CSF2RA: variants seen among roughly 807,000 people sequenced by gnomAD.
CSF2RA encodes the protein granulocyte-macrophage colony-stimulating factor receptor subunit alpha.
CSF2RA carries 42 observed loss-of-function variants against 51.6 expected under a neutral mutation model. That is an observed-to-expected ratio of 0.81 (90% CI 0.64 to 1.05). CSF2RA has a LOEUF of 1.05. Ranked by LOEUF, CSF2RA falls within the 50% of genes least tolerant of loss-of-function variation. The probability of loss-of-function intolerance (pLI) is 0.00; values close to 1 mark genes in which losing one functional copy is unlikely to be tolerated. For missense variants in CSF2RA, 530 were observed against 501.1 expected, an observed-to-expected ratio of 1.06 and a Z score of -0.55; for synonymous variants, 222 against 193.0, an observed-to-expected ratio of 1.15 and a Z score of -1.24.
intron 7 of CSF2RA, among the ~76,000 whole-genome samples, chrX:1,291,168 T>G (rs1448590509): frequency 1.3e-5 from 2 of 152,088 alleles, no homozygotes. Flanking sequence ...ATGATCCACC[T>G]GCCTCAGCCT....
intron 7 of CSF2RA, among the ~76,000 whole-genome samples, chrX:1,291,596 C>A (rs1283645359): frequency 6.6e-6 from 1 of 152,062 alleles, no homozygotes; most frequent in Non-Finnish European, 1.5e-5. Context: ...ACGTTCCCAG[C>A]CTCTTCAGGC....
intron 10 of CSF2RA, chrX:1,302,902 C>G (rs1449175721): frequency 3.9e-6 from 1 of 254,340 alleles, no homozygotes; most frequent in East Asian, 6.2e-5. Context: ...GACAGGGTCT[C>G]ACTCTGTCAC....
At chrX:1,283,815 T>A (rs2090332094) in intron 3 of CSF2RA, among the ~76,000 whole-genome samples, 1 of 151,936 alleles carries the variant, frequency 6.6e-6, no homozygotes, top group Non-Finnish European at 1.5e-5. Flanking sequence ...GGTGATCCCG[T>A]GCCTCGGCCT....
At chrX:1,272,452 C>A (rs28838006) in intron 1 of CSF2RA, among the ~76,000 whole-genome samples, 97,294 of 150,104 alleles carry the variant, frequency 0.65, 31,755 homozygotes, top group Middle Eastern at 0.79. Context: ...ATTTCTACTG[C>A]GGACTGAACT....
chrX:1,285,063 T>A (rs771304021), intron 3 of CSF2RA, among the ~76,000 whole-genome samples: 37 of 150,484 alleles, frequency 2.5e-4, no homozygotes, highest in South Asian at 1.3e-3. Context: ...TTTAAATTTT[T>A]AAAAAAAAAT....
rs185383822 is a variant in CSF2RA, at chrX:1,303,809, C to G, written c.947-114C>G. On this transcript the variant is annotated intron_variant, in intron 10 of 12. Transcript: ENST00000381529. ...GGAGGCAGGTTTGCTGGGCCCAGTT[C>G]TCAGCTTGACTGTTCCCTTTGGCTA... The G allele has an allele frequency of 1.1e-4, 103 of 956,986 alleles. No homozygotes were observed. In the African/African-American group the frequency reaches 1.1e-3, roughly 10 times the overall value. 59.3% of individuals were successfully genotyped at this position (956,986 alleles called of 1,614,324 possible). A position where few individuals can be genotyped will look rare whatever the true frequency, so the allele number is the denominator to read the frequency against.
At chrX:1,293,499 G>A (rs1167688684) in intron 7 of CSF2RA, among the ~76,000 whole-genome samples, 1 of 152,116 alleles carries the variant, frequency 6.6e-6, no homozygotes, top group Admixed American at 6.5e-5. Flanking sequence ...GATTACAGGC[G>A]TGAGCCACCG....
intron 8 of CSF2RA, 116 bp downstream of exon 8, chrX:1,294,577 C>T: frequency 4.3e-6 from 6 of 1,382,718 alleles, no homozygotes; most frequent in East Asian, 2.3e-5. Context: ...GGGTGGTGAG[C>T]GGTGACTCTG....
downstream of CSF2RA, among the ~76,000 whole-genome samples, chrX:1,314,568 ACTGCACCTGCCCAACCC>A (rs2084417169): frequency 2.8e-5 from 2 of 71,038 alleles, no homozygotes; most frequent in African/African-American, 1.2e-4. Context: ...GCCCAATCCC[ACTGCACCTGCCCAACCC>A]CACTGCACCT....
downstream of CSF2RA, among the ~76,000 whole-genome samples, chrX:1,313,798 G>C (rs1273926621): frequency 2.0e-5 from 3 of 151,896 alleles, no homozygotes; most frequent in African/African-American, 7.3e-5. Flanking sequence ...AGACCAGCCT[G>C]GCTAACATGG....
chrX:1,289,408 C>T (rs1450718511), intron 6 of CSF2RA, among the ~76,000 whole-genome samples: 5 of 152,136 alleles, frequency 3.3e-5, no homozygotes, highest in Non-Finnish European at 5.9e-5. Context: ...GGATTACAGG[C>T]GTGAGCCACT....
intron 1 of CSF2RA, among the ~76,000 whole-genome samples, chrX:1,270,765 T>A (rs1350440574): frequency 2.6e-5 from 4 of 151,042 alleles, no homozygotes; most frequent in Non-Finnish European, 5.9e-5. Context: ...ATGGAGTCCC[T>A]CTAAGCTGGG....
the CSF2RA span, among the ~76,000 whole-genome samples, chrX:1,323,323 G>A: frequency 2.6e-5 from 4 of 151,574 alleles, no homozygotes; most frequent in South Asian, 8.4e-4. Context: ...AGACCGGCCT[G>A]GCCAACATGG....
the CSF2RA span, among the ~76,000 whole-genome samples, chrX:1,324,397 G>A: frequency 1.6e-5 from 2 of 128,534 alleles, no homozygotes; most frequent in Non-Finnish European, 3.2e-5. Flanking sequence ...AGGAAGGAAG[G>A]AAAAAGGAAA....
At chrX:1,317,246 C>CCTTTTTTTTTT in the CSF2RA span, among the ~76,000 whole-genome samples, 2 of 57,828 alleles carry the variant, frequency 3.5e-5, no homozygotes, top group African/African-American at 1.5e-4. Flanking sequence ...CCACGCTCAG[C>CCTTTTTTTTTT]TTTTTTTTTT....
chrX:1,274,790 G>A lies in CSF2RA; in HGVS notation c.-55G>A, dbSNP rs1244276267. The A allele has an allele frequency of 1.5e-5, 7 of 453,348 alleles. No individual in the cohort carries two copies. The highest frequency in any genetic ancestry group is 7.8e-5 in the South Asian group (5 of 64,458). 28.1% of individuals were successfully genotyped at this position (453,348 alleles called of 1,614,324 possible). ...GAAAATCCGTGGAGACAGCAGATCC[G>A]AGAAGCGGCGATGTTTGCGTAGAAC... On this transcript the variant is annotated 5_prime_UTR_variant, in exon 2 of 13. Transcript: ENST00000381529.
intron 12 of CSF2RA, 38 bp from the exon 13 acceptor site, chrX:1,309,364 C>T (rs373635378): frequency 1.6e-4 from 252 of 1,590,826 alleles, no homozygotes; most frequent in Non-Finnish European, 1.7e-4. Flanking sequence ...AGGCTGAGCT[C>T]GTGAAGATCT....
At chrX:1,322,145 A>G in the CSF2RA span, among the ~76,000 whole-genome samples, 238 of 149,088 alleles carry the variant, frequency 1.6e-3, 1 homozygote, top group African/African-American at 5.8e-3. Flanking sequence ...TCACTCTGTT[A>G]CCCAGGCTGG....
At chrX:1,289,469 G>C (rs2091123198) in intron 6 of CSF2RA, among the ~76,000 whole-genome samples, 1 of 151,822 alleles carries the variant, frequency 6.6e-6, no homozygotes, top group Non-Finnish European at 1.5e-5. Flanking sequence ...TTTTTGTTTT[G>C]TTTTGTGTTT....
Sources: allele counts gnomAD v4.1 joint callset (sites outside exome capture counted in the v4.1 genomes callset), GRCh38; gene constraint gnomAD v4.1.1; transcripts MANE v1.5; gene names NCBI Gene and HGNC (gene_info 2026-07-23, HGNC 2026-07-21).